The following PHYHIPL variants were observed in gnomAD, a reference collection of about 807,000 sequenced individuals.
PHYHIPL encodes phytanoyl-CoA hydroxylase-interacting protein-like.
A neutral mutation model predicts 33.4 loss-of-function variants in PHYHIPL; 9 were observed. The observed-to-expected ratio is 0.27, with a 90% CI of 0.16 to 0.47. PHYHIPL has a LOEUF of 0.47. Ranked by LOEUF, PHYHIPL falls within the 20% of genes least tolerant of loss-of-function variation. The pLI is 0.99. For synonymous variants in PHYHIPL, 153 were observed against 154.1 expected (o/e 0.99, Z 0.05); for missense variants, 365 against 460.7 (o/e 0.79, Z 1.90).
rs1347446357 is a variant in PHYHIPL at position 59,227,747 on chromosome 10, G to A, written c.107-6557G>A. ...AGAAGGCAAAAACAAAATAAGGGGA[G>A]TATCTGAATAGTTTTCCTTTTGTGA... On this transcript the variant is annotated intron_variant, in intron 1 of 4. Transcript: ENST00000373880. Among the ~76,000 whole-genome samples, 7 of 152,084 alleles carry A rather than the reference G, an allele frequency of 4.6e-5. No individual in the cohort carries two copies. In the East Asian group the frequency reaches 9.6e-4, roughly 21 times the overall value.
At chr10:59,214,669 C>T (rs1490781061) in intron 1 of PHYHIPL, among the ~76,000 whole-genome samples, 1 of 151,900 alleles carries the variant, frequency 6.6e-6, no homozygotes, top group Non-Finnish European at 1.5e-5. Flanking sequence ...AATTAAAATC[C>T]TATAGTACTG....
chr10:59,236,754 T>A lies in PHYHIPL; in HGVS notation c.478+97T>A. On this transcript the variant is annotated intron_variant, in intron 3 of 4. Transcript: ENST00000373880. ...TTTTTTGTAATTATAAAGTGATATA[T>A]GTGACATTGGTCATTTTTTGCGTTG... 3 of 1,067,258 alleles carry A rather than the reference T, an allele frequency of 2.8e-6. 1 individual carries two copies. The South Asian group carries it at 6.9e-5, about 25-fold the overall frequency. The allele number at this position is 1,067,258 out of a possible 1,614,324, so 66.1% of individuals were successfully genotyped here. A position where few individuals can be genotyped will look rare whatever the true frequency, so the allele number is the denominator to read the frequency against.
At chr10:59,220,532 CAAG>C (rs1260564363) in intron 1 of PHYHIPL, among the ~76,000 whole-genome samples, 3 of 151,994 alleles carry the variant, frequency 2.0e-5, no homozygotes, top group African/African-American at 7.2e-5. Context: ...ATAATAAATT[CAAG>C]AAGCTTAAGA....
At chr10:59,233,185 C>A (rs538721611) in intron 1 of PHYHIPL, among the ~76,000 whole-genome samples, 4 of 151,954 alleles carry the variant, frequency 2.6e-5, no homozygotes, top group Admixed American at 6.6e-5. Context: ...CCTCTGGCTA[C>A]AACGCAGCTT....
chr10:59,216,793 T>C (rs929431253), intron 1 of PHYHIPL, among the ~76,000 whole-genome samples: 1 of 152,062 alleles, frequency 6.6e-6, no homozygotes, highest in Non-Finnish European at 1.5e-5. Context: ...AGCAAAGAAA[T>C]GGATTTTCTG....
Position 59,246,688 on chromosome 10 carries a change from C to A in PHYHIPL, c.*1097C>A, listed in dbSNP as rs1476224641. ...CAATTTCCAAACTTTTCATTTTGTA[C>A]AGAAGGATGAATAACTACAGCTCAT... is the stretch of plus-strand genomic sequence containing the variant. On this transcript the variant is annotated 3_prime_UTR_variant, in exon 5 of 5. Transcript: ENST00000373880. The A allele has an allele frequency of 5.0e-6, 2 of 397,278 alleles. No individual in the cohort carries two copies. The highest frequency in any genetic ancestry group is 8.9e-6 in the Non-Finnish European group (2 of 225,244). 24.6% of individuals were successfully genotyped at this position (397,278 alleles called of 1,614,324 possible). A position where few individuals can be genotyped will look rare whatever the true frequency, so the allele number is the denominator to read the frequency against.
chr10:59,182,167 G>A (rs1284614291), intron 1 of PHYHIPL, among the ~76,000 whole-genome samples: 2 of 152,022 alleles, frequency 1.3e-5, no homozygotes, highest in African/African-American at 4.8e-5. Context: ...TTCCTTCTCT[G>A]CTTTTCTTTA....
chr10:59,205,653 T>C (rs1226250070), intron 1 of PHYHIPL, among the ~76,000 whole-genome samples: 1 of 152,174 alleles, frequency 6.6e-6, no homozygotes, highest in Non-Finnish European at 1.5e-5. Context: ...TCAGCTAATA[T>C]TTTTCAGGCA....
At position 59,242,640 on chromosome 10, in the gene PHYHIPL, A is replaced by G. The variant is rs530083630; in HGVS notation, c.597-2417A>G. 2.6e-3 allele frequency among the ~76,000 whole-genome samples: 396 copies of G among 152,342 alleles called. 6 individuals are homozygous for G. Among genetic ancestry groups the G allele is most frequent in the South Asian group, 0.017 (80 of 4,826 alleles). The stretch of plus-strand genomic sequence containing the variant: ...AGATATTTAAGCAGCCACCATAAAA[A>G]TGGTTCAAGAAGCACATACTAACAC... On this transcript the variant is annotated intron_variant, in intron 4 of 4. Coordinates refer to ENST00000373880, the MANE Select transcript of PHYHIPL (RefSeq NM_032439.4).
intron 1 of PHYHIPL, among the ~76,000 whole-genome samples, chr10:59,187,879 G>A (rs1242535106): frequency 6.6e-6 from 1 of 152,046 alleles, no homozygotes; most frequent in African/African-American, 2.4e-5. Context: ...AGTCTTGCTA[G>A]CGGTCTATCC....
intron 1 of PHYHIPL, chr10:59,177,700 A>T (rs1452460918): frequency 4.8e-6 from 7 of 1,466,520 alleles, no homozygotes; most frequent in Non-Finnish European, 6.5e-6. Flanking sequence ...AATTGATTGA[A>T]TACAGGTCTG....
At chr10:59,197,353 TA>T (rs1838948402) in intron 1 of PHYHIPL, among the ~76,000 whole-genome samples, 1 of 152,218 alleles carries the variant, frequency 6.6e-6, no homozygotes, top group African/African-American at 2.4e-5. Context: ...AAGTTTTCAG[TA>T]CCTGTCTTCC....
intron 1 of PHYHIPL, among the ~76,000 whole-genome samples, chr10:59,201,885 A>C (rs1466245613): frequency 6.6e-6 from 1 of 152,188 alleles, no homozygotes; most frequent in Non-Finnish European, 1.5e-5. Context: ...ATTTTTAAAT[A>C]ATCTATCAGA....
intron 4 of PHYHIPL, among the ~76,000 whole-genome samples, chr10:59,239,258 A>G (rs1840320035): frequency 6.6e-6 from 1 of 152,006 alleles, no homozygotes; most frequent in South Asian, 2.1e-4. Context: ...ACATGGCTGG[A>G]GAGGCCTCAC....
At chr10:59,242,287 A>G (rs557449100) in intron 4 of PHYHIPL, among the ~76,000 whole-genome samples, 78 of 152,218 alleles carry the variant, frequency 5.1e-4, no homozygotes, top group Middle Eastern at 3.4e-3. Flanking sequence ...GTGGGAGCCT[A>G]AACTCCTACC....
intron 1 of PHYHIPL, among the ~76,000 whole-genome samples, chr10:59,219,811 A>G (rs1235099895): frequency 1.3e-5 from 2 of 152,136 alleles, no homozygotes; most frequent in Non-Finnish European, 2.9e-5. Flanking sequence ...GTTTAGAATC[A>G]TGTAGTAATT....
chr10:59,220,782 A>G (rs891411979), intron 1 of PHYHIPL, among the ~76,000 whole-genome samples: 14 of 152,170 alleles, frequency 9.2e-5, no homozygotes, highest in African/African-American at 3.4e-4. Context: ...CTTAGAATAA[A>G]ATCTTCTCTT....
At chr10:59,200,612 G>C (rs1017160630) in intron 1 of PHYHIPL, among the ~76,000 whole-genome samples, 17 of 152,238 alleles carry the variant, frequency 1.1e-4, no homozygotes, top group African/African-American at 4.1e-4. Flanking sequence ...CTACTGATCG[G>C]AATAGTTTCA....
At chr10:59,173,776 T>C (rs1838204451), upstream of PHYHIPL, among the ~76,000 whole-genome samples, 2 of 152,114 alleles carry the variant, frequency 1.3e-5, no homozygotes, top group Admixed American at 1.3e-4. Context: ...TCAGATTTTA[T>C]GGCTGGCTTT....
Sources: gnomAD v4.1 joint callset for allele counts (sites outside exome capture counted in the v4.1 genomes callset) on GRCh38, gnomAD v4.1.1 for gene constraint, MANE v1.5 for transcripts, NCBI Gene and HGNC (gene_info 2026-07-23, HGNC 2026-07-21) for gene names.